The following RALYL variants were observed in gnomAD, a reference collection of about 807,000 sequenced individuals.
The protein encoded by RALYL is RALY RNA binding protein like, also known as RNA-binding Raly-like protein.
In RALYL, 29 loss-of-function variants were observed where a neutral mutation model predicts 35.1. That is an observed-to-expected ratio of 0.83 (90% CI 0.61 to 1.13). The LOEUF (loss-of-function observed/expected upper bound fraction) is 1.13, where lower values mean the gene tolerates loss of function less well. Ranked by LOEUF, RALYL falls within the 50% of genes most tolerant of loss-of-function variation. The probability of loss-of-function intolerance (pLI) is 0.00; values close to 1 mark genes in which losing one functional copy is unlikely to be tolerated. For synonymous variants in RALYL, 120 were observed against 127.6 expected, an observed-to-expected ratio of 0.94 and a Z score of 0.40; for missense variants, 359 against 360.4, an observed-to-expected ratio of 1.00 and a Z score of 0.03.
chr8:84,228,154 CAAAAA>C (rs57543989), intron 1 of RALYL, among the ~76,000 whole-genome samples: 27,653 of 123,604 alleles, frequency 0.22, 2,879 homozygotes, highest in African/African-American at 0.34. Flanking sequence ...AATAGTCTAG[CAAAAA>C]AAAAAAAAAA....
At position 84,282,542 on chromosome 8, in the gene RALYL, T is replaced by C. The variant is rs1441436640; in HGVS notation, c.-24+98118T>C. Among the ~76,000 whole-genome samples the C allele has an allele frequency of 2.0e-5, 3 of 151,990 alleles. No homozygotes were observed. The East Asian group carries it at 5.8e-4, about 29-fold the overall frequency. ...TAGGGATGAGGGGTGGTTCATAATT[T>C]TAAGGCTCTTTCTTTAGCTGCACAA... On this transcript the variant is annotated intron_variant, in intron 1 of 8. Coordinates refer to ENST00000521268, the MANE Select transcript of RALYL (RefSeq NM_173848.7).
chr8:84,913,562 A>G (rs1180597162), intron 8 of RALYL, among the ~76,000 whole-genome samples: 1 of 152,084 alleles, frequency 6.6e-6, no homozygotes, highest in African/African-American at 2.4e-5. Flanking sequence ...GGTATCTGAA[A>G]TCTATTTCAA....
At chr8:84,518,421 A>G (rs1347430268) in intron 1 of RALYL, among the ~76,000 whole-genome samples, 1 of 152,208 alleles carries the variant, frequency 6.6e-6, no homozygotes, top group Non-Finnish European at 1.5e-5. Flanking sequence ...TTTACCAATG[A>G]GAAATTACAT....
intron 1 of RALYL, among the ~76,000 whole-genome samples, chr8:84,446,955 A>G (rs981907646): frequency 6.6e-6 from 1 of 152,114 alleles, no homozygotes; most frequent in Admixed American, 6.6e-5. Context: ...TCTATAATTC[A>G]CACGCTACCG....
intron 1 of RALYL, among the ~76,000 whole-genome samples, chr8:84,403,052 T>C (rs996529726): frequency 3.4e-4 from 52 of 152,340 alleles, no homozygotes; most frequent in African/African-American, 1.1e-3. Flanking sequence ...TGGTAGATTC[T>C]GGATATTAGC....
chr8:84,683,350 T>C (rs1293796707), intron 2 of RALYL, among the ~76,000 whole-genome samples: 2 of 151,984 alleles, frequency 1.3e-5, no homozygotes, highest in African/African-American at 4.8e-5. Context: ...TGTAGATGTC[T>C]ATTAGGTCTG....
intron 1 of RALYL, among the ~76,000 whole-genome samples, chr8:84,392,675 T>C (rs1860968365): frequency 6.6e-6 from 1 of 152,058 alleles, no homozygotes; most frequent in South Asian, 2.1e-4. Context: ...CTATCTCGAC[T>C]GTGATAGTGG....
chr8:84,517,338 A>T (rs1177165218), intron 1 of RALYL, among the ~76,000 whole-genome samples: 1 of 152,170 alleles, frequency 6.6e-6, no homozygotes, highest in Non-Finnish European at 1.5e-5. Flanking sequence ...TGATACCCAA[A>T]GGCTAGGTCA....
chr8:84,384,220 G>A (rs1181332563), intron 1 of RALYL, among the ~76,000 whole-genome samples: 1 of 151,612 alleles, frequency 6.6e-6, no homozygotes, highest in African/African-American at 2.4e-5. Flanking sequence ...GATAACACTT[G>A]CCCTACCCAG....
chr8:84,260,667 G>A (rs959591082), intron 1 of RALYL, among the ~76,000 whole-genome samples: 7 of 152,108 alleles, frequency 4.6e-5, no homozygotes, highest in African/African-American at 1.2e-4. Context: ...GAGAATTGAT[G>A]GTGGCCACTG....
chr8:84,583,172 G>A (rs920765506), intron 2 of RALYL, among the ~76,000 whole-genome samples: 2 of 152,100 alleles, frequency 1.3e-5, no homozygotes, highest in Non-Finnish European at 2.9e-5. Flanking sequence ...ATACAGTAAT[G>A]TTAGTCCTCT....
At position 84,273,254 on chromosome 8, in the gene RALYL, C is replaced by T. The variant is rs551205749; in HGVS notation, c.-24+88830C>T. Among the ~76,000 whole-genome samples the T allele has an allele frequency of 2.0e-5, 3 of 152,332 alleles. No individual in the cohort carries two copies. In the South Asian group the frequency reaches 6.2e-4, roughly 32 times the overall value. On this transcript the variant is annotated intron_variant, in intron 1 of 8. Transcript: ENST00000521268. ...AGGCTGCAATTAAATCATCTCAGGG[C>T]TCTAGTGGGAGAGCATCAACTGCCA... is the stretch of plus-strand genomic sequence containing the variant.
chr8:84,404,937 A>G (rs1377444357), intron 1 of RALYL, among the ~76,000 whole-genome samples: 4 of 152,204 alleles, frequency 2.6e-5, no homozygotes. Flanking sequence ...CATAACACTT[A>G]TTCTATAATT....
intron 2 of RALYL, among the ~76,000 whole-genome samples, chr8:84,635,601 TA>T (rs1220032306): frequency 6.6e-6 from 1 of 151,766 alleles, no homozygotes; most frequent in East Asian, 1.9e-4. Flanking sequence ...AAAAAAATCA[TA>T]AAAACCTCTA....
chr8:84,409,998 A>G (rs1023348326), intron 1 of RALYL, among the ~76,000 whole-genome samples: 18 of 151,952 alleles, frequency 1.2e-4, no homozygotes, highest in Admixed American at 1.1e-3. Flanking sequence ...AAAATCTTCT[A>G]TTAATATGGT....
intron 2 of RALYL, among the ~76,000 whole-genome samples, chr8:84,752,988 TG>T (rs969084591): frequency 2.8e-4 from 43 of 152,048 alleles, no homozygotes; most frequent in African/African-American, 1.0e-3. Context: ...GCCCCCAGAA[TG>T]GTAGATCCAC....
intron 1 of RALYL, among the ~76,000 whole-genome samples, chr8:84,374,774 G>A (rs1233806847): frequency 6.6e-6 from 1 of 151,834 alleles, no homozygotes. Flanking sequence ...CTTAGTATCT[G>A]AGGGACAAAA....
chr8:84,420,943 A>C (rs1254429795), intron 1 of RALYL, among the ~76,000 whole-genome samples: 2 of 90,392 alleles, frequency 2.2e-5, no homozygotes, highest in Non-Finnish European at 4.1e-5. Context: ...TGTTTTGGTT[A>C]CTGTAGCCTT....
chr8:84,614,714 G>A (rs1819051224), intron 2 of RALYL, among the ~76,000 whole-genome samples: 1 of 150,528 alleles, frequency 6.6e-6, no homozygotes, highest in African/African-American at 2.5e-5. Context: ...GGGCTGTAAA[G>A]TCAGGATTTG....
Sources: gnomAD v4.1 joint callset for allele counts (sites outside exome capture counted in the v4.1 genomes callset) on GRCh38, gnomAD v4.1.1 for gene constraint, MANE v1.5 for transcripts, NCBI Gene and HGNC (gene_info 2026-07-23, HGNC 2026-07-21) for gene names.